AFF2: variants seen among roughly 807,000 people sequenced by gnomAD.
AFF2 encodes ALF transcription elongation factor 2, also known as AF4/FMR2 family member 2.
Under a neutral mutation model 76.9 loss-of-function variants are expected in AFF2, and 14 were observed. That is an observed-to-expected ratio of 0.18 (90% CI 0.12 to 0.28). The LOEUF (loss-of-function observed/expected upper bound fraction) is 0.28, where lower values mean the gene tolerates loss of function less well. Among genes scored for constraint, AFF2 ranks in the 10% least tolerant of loss-of-function variants. The pLI, the probability that AFF2 is intolerant of heterozygous loss-of-function variation, is 1.00. For missense variants in AFF2, 868 were observed against 1,001.1 expected, an observed-to-expected ratio of 0.87 and a Z score of 1.79; for synonymous variants, 398 against 366.7, an observed-to-expected ratio of 1.09 and a Z score of -0.98.
At chrX:148,819,537 G>A (rs2070304645) in intron 4 of AFF2, among the ~76,000 whole-genome samples, 1 of 110,946 alleles carries the variant, frequency 9.0e-6, no homozygotes, top group Non-Finnish European at 1.9e-5. Flanking sequence ...TGAATCTTGA[G>A]AGCTTTTATT....
At chrX:148,721,127 G>A (rs2055087230) in intron 3 of AFF2, among the ~76,000 whole-genome samples, 2 of 112,040 alleles carry the variant, frequency 1.8e-5, no homozygotes, top group Admixed American at 1.9e-4. Context: ...TTGGTGGAGG[G>A]CAACTTTCTT....
At chrX:148,532,005 A>C (rs1603233110) in intron 1 of AFF2, among the ~76,000 whole-genome samples, 1 of 111,022 alleles carries the variant, frequency 9.0e-6, no homozygotes, top group Non-Finnish European at 1.9e-5. Flanking sequence ...GTTCATCATC[A>C]TCACCAAAAG....
Position 148,996,368 on chromosome X carries a change from A to G in AFF2, c.*5036A>G, listed in dbSNP as rs1369385661. The G allele has an allele frequency of 1.8e-5, 2 of 112,923 alleles. No individual in the cohort carries two copies. Among genetic ancestry groups the G allele is most frequent in the Non-Finnish European group, 3.7e-5 (2 of 53,406 alleles). The allele number at this position is 112,923 out of a possible 1,213,427, so 9.3% of individuals were successfully genotyped here. The stretch of plus-strand genomic sequence containing the variant: ...AAGCACCTGGTTTGCACCATTTGCC[A>G]ATTTCCATGGCATAAATACTACCAC... On this transcript the variant is annotated 3_prime_UTR_variant, in exon 21 of 21. Coordinates refer to ENST00000370460, the MANE Select transcript of AFF2 (RefSeq NM_002025.4).
intron 1 of AFF2, among the ~76,000 whole-genome samples, chrX:148,540,410 T>C (rs1194297010): frequency 9.4e-5 from 6 of 64,021 alleles, no homozygotes; most frequent in Non-Finnish European, 2.2e-4. Flanking sequence ...AAGTGACCTT[T>C]TTTTTTTTTT....
chrX:148,581,355 C>T (rs868960611), intron 1 of AFF2, among the ~76,000 whole-genome samples: 1 of 19,385 alleles, frequency 5.2e-5, no homozygotes, highest in African/African-American at 8.3e-5. Flanking sequence ...CGTGTACACA[C>T]ATATATACGT....
At chrX:148,677,431 GC>G (rs782753948) in intron 3 of AFF2, among the ~76,000 whole-genome samples, 2 of 111,836 alleles carry the variant, frequency 1.8e-5, no homozygotes, top group East Asian at 5.6e-4. Context: ...CTTACAAATG[GC>G]CTTTTTGGTT....
intron 3 of AFF2, among the ~76,000 whole-genome samples, chrX:148,781,085 A>T (rs1192912435): frequency 8.9e-6 from 1 of 111,923 alleles, no homozygotes; most frequent in African/African-American, 3.3e-5. Context: ...GAGGCTTCAG[A>T]ACAGCAAAGA....
intron 1 of AFF2, among the ~76,000 whole-genome samples, chrX:148,608,181 T>G (rs1339027960): frequency 1.8e-5 from 2 of 111,783 alleles, no homozygotes; most frequent in African/African-American, 6.5e-5. Flanking sequence ...TTATATAGTT[T>G]TGGGAGATGT....
chrX:148,683,286 G>A (rs2054568456), intron 3 of AFF2, among the ~76,000 whole-genome samples: 1 of 112,098 alleles, frequency 8.9e-6, no homozygotes, highest in Non-Finnish European at 1.9e-5. Context: ...TGCAAGATGA[G>A]GGCTTCATAC....
intron 1 of AFF2, among the ~76,000 whole-genome samples, chrX:148,561,229 T>C (rs1377941140): frequency 8.9e-6 from 1 of 112,278 alleles, no homozygotes; most frequent in African/African-American, 3.2e-5. Context: ...ATTTTATTAG[T>C]GGATTTACAT....
Position 148,749,476 on chromosome X carries a change from T to A in AFF2, c.1042-60400T>A, listed in dbSNP as rs1401834072. ...CATATTTTCTTTACCACTTTTAGAGTAAAGTTATTTTAATTGACAAATTCT... is the reference window on the plus strand; with the variant it reads ...CATATTTTCTTTACCACTTTTAGAGAAAAGTTATTTTAATTGACAAATTCT... On this transcript the variant is annotated intron_variant, in intron 3 of 20. Coordinates refer to ENST00000370460, the MANE Select transcript of AFF2 (RefSeq NM_002025.4). 3.6e-5 allele frequency among the ~76,000 whole-genome samples: 4 copies of A among 111,229 alleles called. No individual in the cohort carries two copies. In the East Asian group the frequency reaches 8.5e-4, roughly 24 times the overall value.
chrX:148,652,520 C>T lies in AFF2; in HGVS notation c.180+389C>T, dbSNP rs782571139. On this transcript the variant is annotated intron_variant, in intron 2 of 20. Transcript: ENST00000370460. Reference sequence around the variant, plus strand: ...GTTTCTTTTCCCAATCAGTGTCATCCATTGCAAGGCCACTGTTTTTCTTTT... The same window carrying T: ...GTTTCTTTTCCCAATCAGTGTCATCTATTGCAAGGCCACTGTTTTTCTTTT... Among the ~76,000 whole-genome samples, 5 of 112,117 alleles carry T rather than the reference C, an allele frequency of 4.5e-5. No homozygotes were observed. The South Asian group carries it at 1.1e-3, about 25-fold the overall frequency.
At chrX:148,864,717 A>G (rs141453705) in intron 7 of AFF2, among the ~76,000 whole-genome samples, 1,509 of 112,189 alleles carry the variant, frequency 0.013, 65 homozygotes, top group Admixed American at 0.11. Flanking sequence ...TGCAAGCAGC[A>G]TAAGGGTTGT....
At position 148,672,684 on chromosome X, in the gene AFF2, T is replaced by C. The variant is rs782242188; in HGVS notation, c.1041+9916T>C. 2.6e-4 allele frequency among the ~76,000 whole-genome samples: 29 copies of C among 112,617 alleles called. 1 individual carries two copies. Among genetic ancestry groups the C allele is most frequent in the African/African-American group, 8.4e-4 (26 of 31,037 alleles). On this transcript the variant is annotated intron_variant, in intron 3 of 20. Coordinates refer to ENST00000370460, the MANE Select transcript of AFF2 (RefSeq NM_002025.4). The stretch of plus-strand genomic sequence containing the variant: ...ATTTTTCTTGTGGTATTACAGGTTA[T>C]AGTCATGTGTTTTTCATTTACAAAT...
chrX:148,836,657 C>T (rs781817612), intron 4 of AFF2, among the ~76,000 whole-genome samples: 2 of 111,234 alleles, frequency 1.8e-5, no homozygotes, highest in African/African-American at 6.5e-5. Flanking sequence ...CTCCCTCCTG[C>T]TTCACAAAAC....
Position 148,588,552 on chromosome X carries a change from C to T in AFF2, c.48-63447C>T, listed in dbSNP as rs190778125. On this transcript the variant is annotated intron_variant, in intron 1 of 20. Coordinates refer to ENST00000370460, the MANE Select transcript of AFF2 (RefSeq NM_002025.4). ...AACTATCATGTAGATTTTATTTCTCCAAAGCAATCATTCCTGTTCACATTT... is the reference window on the plus strand; with the variant it reads ...AACTATCATGTAGATTTTATTTCTCTAAAGCAATCATTCCTGTTCACATTT... 2.1e-4 allele frequency among the ~76,000 whole-genome samples: 24 copies of T among 112,625 alleles called. 1 individual carries two copies. The Admixed American group carries it at 2.2e-3, about 11-fold the overall frequency.
At chrX:148,695,963 A>G (rs2054717764) in intron 3 of AFF2, among the ~76,000 whole-genome samples, 1 of 112,200 alleles carries the variant, frequency 8.9e-6, no homozygotes, top group Admixed American at 9.4e-5. Flanking sequence ...CTTAGTAGGT[A>G]GGTTTCTAAG....
At chrX:148,573,564 C>T (rs1213112123) in intron 1 of AFF2, among the ~76,000 whole-genome samples, 1 of 110,554 alleles carries the variant, frequency 9.0e-6, no homozygotes, top group Non-Finnish European at 1.9e-5. Flanking sequence ...AATCTGTTTG[C>T]ATTGGACATC....
At chrX:148,687,195 T>C (rs1007138558) in intron 3 of AFF2, among the ~76,000 whole-genome samples, 3 of 111,994 alleles carry the variant, frequency 2.7e-5, no homozygotes, top group African/African-American at 9.7e-5. Context: ...TAACCATCTC[T>C]ATATCATAGG....
Sources: gnomAD v4.1 joint callset for allele counts (sites outside exome capture counted in the v4.1 genomes callset) on GRCh38, gnomAD v4.1.1 for gene constraint, MANE v1.5 for transcripts, NCBI Gene and HGNC (gene_info 2026-07-23, HGNC 2026-07-21) for gene names.